BCL11A: variants seen among roughly 807,000 people sequenced by gnomAD.
BCL11A encodes B cell CLL/lymphoma 11A.
Under a neutral mutation model 55.9 loss-of-function variants are expected in BCL11A, and 2 were observed. The observed-to-expected ratio is 0.04, with a 90% CI of 0.01 to 0.11. The LOEUF is 0.11. Among genes scored for constraint, BCL11A ranks in the 10% least tolerant of loss-of-function variants. The pLI, the probability that BCL11A is intolerant of heterozygous loss-of-function variation, is 1.00. For missense variants in BCL11A, 817 were observed against 1,137.1 expected, an observed-to-expected ratio of 0.72 and a Z score of 4.05; for synonymous variants, 465 against 473.4, an observed-to-expected ratio of 0.98 and a Z score of 0.23.
intron 2 of BCL11A, among the ~76,000 whole-genome samples, chr2:60,476,817 G>A (rs1477726095): frequency 6.6e-6 from 1 of 152,076 alleles, no homozygotes; most frequent in Non-Finnish European, 1.5e-5. Context: ...GAAACCCTGT[G>A]GTGAAACCTT....
intron 2 of BCL11A, among the ~76,000 whole-genome samples, chr2:60,481,104 T>A (rs193067222): frequency 1.5e-4 from 23 of 152,056 alleles, no homozygotes; most frequent in African/African-American, 5.6e-4. Flanking sequence ...CACTAGATCC[T>A]GGTACAGCCC....
intron 2 of BCL11A, among the ~76,000 whole-genome samples, chr2:60,506,110 T>C (rs907024142): frequency 5.3e-5 from 8 of 152,164 alleles, no homozygotes; most frequent in Admixed American, 5.2e-4. Context: ...AAAATCCCCT[T>C]TCCCAGCCAT....
intron 3 of BCL11A, among the ~76,000 whole-genome samples, 179 bp from the exon 4 acceptor site, chr2:60,462,603 G>A (rs904025413): frequency 1.5e-4 from 22 of 151,458 alleles, no homozygotes; most frequent in African/African-American, 5.4e-4. Flanking sequence ...AGTAAATATT[G>A]GTCCAATTGA....
At chr2:60,453,481 C>T (rs1024522717), downstream of BCL11A, among the ~76,000 whole-genome samples, 1 of 152,172 alleles carries the variant, frequency 6.6e-6, no homozygotes, top group Non-Finnish European at 1.5e-5. Context: ...CCTGACTTGG[C>T]GCCGCAGGAG....
At chr2:60,518,753 G>A (rs915668267) in intron 2 of BCL11A, among the ~76,000 whole-genome samples, 1 of 152,186 alleles carries the variant, frequency 6.6e-6, no homozygotes, top group Non-Finnish European at 1.5e-5. Context: ...GGTGCCCCAA[G>A]GCATTCCTGG....
At chr2:60,542,247 G>C (rs1254004556) in intron 2 of BCL11A, 1 of 190,668 alleles carries the variant, frequency 5.2e-6, no homozygotes, top group South Asian at 1.6e-4. Context: ...CTCTCAAAAA[G>C]CTAACTTTAT....
chr2:60,471,006 TC>T (rs887654074), intron 2 of BCL11A, among the ~76,000 whole-genome samples: 1 of 152,010 alleles, frequency 6.6e-6, no homozygotes, highest in Non-Finnish European at 1.5e-5. Flanking sequence ...ATTTGTCTCT[TC>T]CCCCCTGCTG....
intron 2 of BCL11A, among the ~76,000 whole-genome samples, chr2:60,539,904 G>A (rs146755364): frequency 1.3e-5 from 2 of 152,302 alleles, no homozygotes; most frequent in African/African-American, 4.8e-5. Flanking sequence ...GTAAAGGGGA[G>A]AAGCTGTTTA....
At chr2:60,464,734 T>C (rs1676503659) in intron 3 of BCL11A, among the ~76,000 whole-genome samples, 1 of 152,238 alleles carries the variant, frequency 6.6e-6, no homozygotes, top group Admixed American at 6.5e-5. Flanking sequence ...TTGTATCCTT[T>C]CAAAAAGGCT....
intron 2 of BCL11A, among the ~76,000 whole-genome samples, chr2:60,540,619 GT>G (rs1174111437): frequency 6.6e-6 from 1 of 152,152 alleles, no homozygotes; most frequent in Admixed American, 6.5e-5. Context: ...GGATTTGCAT[GT>G]TTTTTATGTA....
chr2:60,487,965 A>G (rs1281741563), intron 2 of BCL11A, among the ~76,000 whole-genome samples: 1 of 152,170 alleles, frequency 6.6e-6, no homozygotes, highest in Non-Finnish European at 1.5e-5. Flanking sequence ...GGTTTTCCCA[A>G]CTCTAGAATG....
downstream of BCL11A, chr2:60,452,728 T>A: frequency 7.6e-7 from 1 of 1,318,980 alleles, no homozygotes; most frequent in Non-Finnish European, 1.1e-6. Context: ...CTTGGCCCAA[T>A]GATTTTCTGT....
intron 2 of BCL11A, among the ~76,000 whole-genome samples, chr2:60,502,303 G>C (rs997887769): frequency 6.6e-6 from 1 of 152,220 alleles, no homozygotes; most frequent in African/African-American, 2.4e-5. Context: ...TCAGGGAGTA[G>C]GTAAACAGTG....
intron 2 of BCL11A, among the ~76,000 whole-genome samples, chr2:60,509,621 T>C (rs1665407878): frequency 6.6e-6 from 1 of 152,014 alleles, no homozygotes; most frequent in South Asian, 2.1e-4. Flanking sequence ...GATCAAAAGA[T>C]CAAGTTGTCT....
At chr2:60,467,918 G>A (rs1267148032) in intron 3 of BCL11A, among the ~76,000 whole-genome samples, 1 of 134,038 alleles carries the variant, frequency 7.5e-6, no homozygotes, top group African/African-American at 2.8e-5. Context: ...GGTGGTGGTG[G>A]TGGTGGTGGT....
chr2:60,487,041 G>C (rs1156552195), intron 2 of BCL11A, among the ~76,000 whole-genome samples: 1 of 152,242 alleles, frequency 6.6e-6, no homozygotes, highest in Non-Finnish European at 1.5e-5. Context: ...TTGCTATTCA[G>C]GCATTTAGGA....
chr2:60,471,547 CA>C lies in BCL11A; in HGVS notation c.386-2715del, dbSNP rs1202093553. ...TTCAATTATTTCATCACGGCTTAGG[CA>C]AAGTAAAGTATCACAATTAATGCTT... On this transcript the variant is annotated intron_variant, in intron 2 of 3. Transcript: ENST00000642384. Among the ~76,000 whole-genome samples the C allele has an allele frequency of 2.0e-5, 3 of 152,198 alleles. No individual in the cohort carries two copies. In the East Asian group the frequency reaches 5.8e-4, roughly 29 times the overall value.
chr2:60,462,149 C>T lies in BCL11A; in HGVS notation c.763G>A (p.Ala255Thr), dbSNP rs1676350076. Residue 255 changes from alanine (A) to threonine (T), a missense_variant, in exon 4 of 4, where the codon GCA becomes ACA. Physicochemically the swap from Ala to Thr is moderately conservative, Grantham distance 58. Coordinates refer to ENST00000642384, the MANE Select transcript of BCL11A (RefSeq NM_022893.4). The stretch of plus-strand genomic sequence containing the variant: ...GGAGTGGGTGGAAAGCGCCCTTCTG[C>T]CAGGCCGGAAGCCTCTCTCGATACT... ...GSVSREASGL[A>T]EGRFPPTPPL... 6.4e-7 allele frequency: 1 copy of T among 1,562,476 alleles called. No homozygotes were observed. The highest frequency in any genetic ancestry group is 2.2e-5 in the East Asian group (1 of 44,532).
chr2:60,459,586 C>G lies in BCL11A; in HGVS notation c.*818G>C. On this transcript the variant is annotated 3_prime_UTR_variant, in exon 4 of 4. Transcript: ENST00000642384. ...TACAATATAGAATTATATGCTAGTTCCTAAGGTTTATTACCTCACCCAATG... is the reference window on the plus strand; with the variant it reads ...TACAATATAGAATTATATGCTAGTTGCTAAGGTTTATTACCTCACCCAATG... 9.7e-7 allele frequency: 1 copy of G among 1,027,860 alleles called. No homozygotes were observed. Among genetic ancestry groups the G allele is most frequent in the Non-Finnish European group, 1.2e-6 (1 of 855,156 alleles). The allele number at this position is 1,027,860 out of a possible 1,614,324, so 63.7% of individuals were successfully genotyped here.
Sources: gnomAD v4.1 joint callset for allele counts (sites outside exome capture counted in the v4.1 genomes callset) on GRCh38, gnomAD v4.1.1 for gene constraint, MANE v1.5 for transcripts, NCBI Gene and HGNC (gene_info 2026-07-23, HGNC 2026-07-21) for gene names.